CLYBL: variants seen among roughly 807,000 people sequenced by gnomAD.
The protein encoded by CLYBL is citramalyl-CoA lyase.
CLYBL carries 31 observed loss-of-function variants against 38.9 expected under a neutral mutation model. The ratio of observed to expected loss-of-function variants is 0.80; its 90% CI spans 0.60 to 1.08. The LOEUF is 1.08. Ranked by LOEUF, CLYBL falls within the 50% of genes least tolerant of loss-of-function variation. The pLI is 0.00. For missense variants in CLYBL, 434 were observed against 411.6 expected (o/e 1.05, Z -0.47); for synonymous variants, 171 against 158.6 (o/e 1.08, Z -0.59).
At chr13:99,867,613 A>C (rs1487685934) in intron 6 of CLYBL, among the ~76,000 whole-genome samples, 2 of 152,152 alleles carry the variant, frequency 1.3e-5, no homozygotes, top group Admixed American at 6.6e-5. Flanking sequence ...GGAAGAAAGG[A>C]GTCCTCTGCC....
chr13:99,843,424 C>T (rs2051130210), intron 2 of CLYBL, among the ~76,000 whole-genome samples: 1 of 152,088 alleles, frequency 6.6e-6, no homozygotes, highest in Non-Finnish European at 1.5e-5. Flanking sequence ...TCACAGTCTA[C>T]AATTGTTTAT....
chr13:99,651,689 T>G (rs1327029220), intron 1 of CLYBL, among the ~76,000 whole-genome samples: 2 of 152,124 alleles, frequency 1.3e-5, no homozygotes. Context: ...CCCAACACTT[T>G]GGGAGGGAGA....
chr13:99,615,413 AC>A (rs1241886383), intron 1 of CLYBL, among the ~76,000 whole-genome samples: 2 of 152,186 alleles, frequency 1.3e-5, no homozygotes, highest in African/African-American at 2.4e-5. Flanking sequence ...AGCTATTAGT[AC>A]GTTTAATTAA....
chr13:99,616,523 G>A (rs565406272), intron 1 of CLYBL, among the ~76,000 whole-genome samples: 5 of 152,244 alleles, frequency 3.3e-5, no homozygotes, highest in Admixed American at 2.0e-4. Flanking sequence ...GTTGGCTACC[G>A]CGACAGCCTT....
In CLYBL at chr13:99,871,015, G is replaced by A; in HGVS notation, c.880G>A (p.Ala294Thr). Reference protein sequence around the residue: ...FSPSPEKIKWAEELIAAFKEH... With the variant: ...FSPSPEKIKWTEELIAAFKEH... The stretch of plus-strand genomic sequence containing the variant: ...TCCTTCCCCTGAAAAAATTAAGTGG[G>A]CTGAAGAACTGATTGCTGCCTTTAA... The change falls in exon 7 of 9, where the codon GCT becomes ACT. Residue 294 changes from alanine to threonine, a missense_variant. Physicochemically the swap from Ala to Thr is moderately conservative, Grantham distance 58. Coordinates refer to ENST00000339105, the MANE Select transcript of CLYBL (RefSeq NM_206808.5). 1 of 1,613,950 alleles carries A rather than the reference G, an allele frequency of 6.2e-7. No individual in the cohort carries two copies.
At chr13:99,613,464 C>T (rs1277276001) in intron 1 of CLYBL, among the ~76,000 whole-genome samples, 1 of 152,068 alleles carries the variant, frequency 6.6e-6, no homozygotes, top group Non-Finnish European at 1.5e-5. Flanking sequence ...TCCCAATAGG[C>T]CTTTTGTAGG....
chr13:99,871,596 C>T (rs2051900489), intron 7 of CLYBL, among the ~76,000 whole-genome samples: 1 of 152,168 alleles, frequency 6.6e-6, no homozygotes, highest in African/African-American at 2.4e-5. Flanking sequence ...CAAATTAACA[C>T]TGGAGTACGG....
At chr13:99,752,446 T>A (rs2048974667) in intron 1 of CLYBL, among the ~76,000 whole-genome samples, 1 of 152,112 alleles carries the variant, frequency 6.6e-6, no homozygotes, top group African/African-American at 2.4e-5. Context: ...ACATGAGTGA[T>A]ACCAGCTGGG....
intron 1 of CLYBL, among the ~76,000 whole-genome samples, chr13:99,661,568 A>C (rs1381489419): frequency 6.6e-6 from 1 of 152,128 alleles, no homozygotes; most frequent in Non-Finnish European, 1.5e-5. Context: ...TAACTTTTTT[A>C]TTTTGAAAAC....
At chr13:99,841,793 T>G (rs1178962384) in intron 2 of CLYBL, among the ~76,000 whole-genome samples, 1 of 142,506 alleles carries the variant, frequency 7.0e-6, no homozygotes, top group African/African-American at 2.8e-5. Flanking sequence ...TTTTCTTTCT[T>G]TTCTTTTCTT....
intron 2 of CLYBL, among the ~76,000 whole-genome samples, chr13:99,778,191 A>C (rs2049562445): frequency 6.6e-6 from 1 of 152,164 alleles, no homozygotes; most frequent in South Asian, 2.1e-4. Context: ...TAAGCCTGAA[A>C]CTTCTCAAAT....
chr13:99,818,363 A>G (rs774343843), intron 2 of CLYBL, among the ~76,000 whole-genome samples: 1 of 152,018 alleles, frequency 6.6e-6, no homozygotes, highest in Non-Finnish European at 1.5e-5. Flanking sequence ...TTGATTGTTA[A>G]TAGAGAAAGA....
At chr13:99,823,687 T>C (rs1012930369) in intron 2 of CLYBL, among the ~76,000 whole-genome samples, 1 of 152,250 alleles carries the variant, frequency 6.6e-6, no homozygotes, top group African/African-American at 2.4e-5. Flanking sequence ...GTCTGGATGT[T>C]CCACAGTTTG....
intron 1 of CLYBL, among the ~76,000 whole-genome samples, chr13:99,646,912 TA>T (rs962013459): frequency 2.6e-5 from 4 of 152,156 alleles, no homozygotes; most frequent in African/African-American, 9.6e-5. Context: ...TACTTCTCAG[TA>T]CCTTCTGTGC....
At chr13:99,677,852 G>A (rs769526271) in intron 1 of CLYBL, among the ~76,000 whole-genome samples, 1 of 152,156 alleles carries the variant, frequency 6.6e-6, no homozygotes, top group Non-Finnish European at 1.5e-5. Context: ...AATCATCACT[G>A]CTACAGAGTG....
At chr13:99,619,706 C>T (rs1457616034) in intron 1 of CLYBL, among the ~76,000 whole-genome samples, 1 of 152,198 alleles carries the variant, frequency 6.6e-6, no homozygotes, top group Non-Finnish European at 1.5e-5. Flanking sequence ...TGACCTTGTT[C>T]AAGGCCCTTA....
At chr13:99,871,106 T>C in intron 7 of CLYBL, 44 bp downstream of exon 7, 1 of 1,605,298 alleles carries the variant, frequency 6.2e-7, no homozygotes, top group African/African-American at 1.3e-5. Flanking sequence ...GTATTGAAAA[T>C]ATTGTCGGGA....
At chr13:99,722,829 A>G (rs2048414924) in intron 1 of CLYBL, among the ~76,000 whole-genome samples, 1 of 152,252 alleles carries the variant, frequency 6.6e-6, no homozygotes, top group Non-Finnish European at 1.5e-5. Context: ...CTGACGACTG[A>G]GTTCCCATGC....
exon 10 of CLYBL, among the ~76,000 whole-genome samples, chr13:99,908,379 T>C (rs2052718680): frequency 6.6e-6 from 1 of 152,190 alleles, no homozygotes; most frequent in African/African-American, 2.4e-5. Flanking sequence ...AGGCCAGCCT[T>C]CAAAGAAAGA....
Sources: gnomAD v4.1 joint callset for allele counts (sites outside exome capture counted in the v4.1 genomes callset) on GRCh38, gnomAD v4.1.1 for gene constraint, MANE v1.5 for transcripts, NCBI Gene and HGNC (gene_info 2026-07-23, HGNC 2026-07-21) for gene names.